Variants in PCDH15 observed in about 807,000 individuals in gnomAD.
PCDH15 encodes the protein protocadherin related 15.
In PCDH15, 129 loss-of-function variants were observed where a neutral mutation model predicts 178.5. The ratio of observed to expected loss-of-function variants is 0.72; its 90% CI spans 0.63 to 0.84. The LOEUF is 0.84. Ranked by LOEUF, PCDH15 falls within the 40% of genes least tolerant of loss-of-function variation. PCDH15 has a pLI of 0.00. For synonymous variants in PCDH15, 800 were observed against 732.0 expected, an observed-to-expected ratio of 1.09 and a Z score of -1.50; for missense variants, 2,230 against 2,099.9, an observed-to-expected ratio of 1.06 and a Z score of -1.21.
At chr10:54,120,638 C>T (rs1259224300) in intron 15 of PCDH15, among the ~76,000 whole-genome samples, 1 of 151,992 alleles carries the variant, frequency 6.6e-6, no homozygotes, top group Admixed American at 6.6e-5. Flanking sequence ...TTACTATTCT[C>T]ATATCAGATA....
chr10:54,710,912 T>A (rs1002512301), intron 1 of PCDH15, among the ~76,000 whole-genome samples: 2 of 151,962 alleles, frequency 1.3e-5, no homozygotes, highest in African/African-American at 4.8e-5. Context: ...AGAATACTTT[T>A]GAGGGTGAGA....
intron 2 of PCDH15, among the ~76,000 whole-genome samples, chr10:54,532,962 A>G (rs984911012): frequency 6.6e-6 from 1 of 152,090 alleles, no homozygotes; most frequent in African/African-American, 2.4e-5. Context: ...CCTGAGAAGG[A>G]ATGGTATCCT....
chr10:54,288,290 A>AG (rs368389134), intron 8 of PCDH15, among the ~76,000 whole-genome samples: 7 of 152,324 alleles, frequency 4.6e-5, no homozygotes, highest in African/African-American at 1.4e-4. Context: ...ACTGCACTCC[A>AG]GCTTGGGCAT....
chr10:54,286,858 C>T (rs2059060148), intron 8 of PCDH15, among the ~76,000 whole-genome samples: 1 of 152,168 alleles, frequency 6.6e-6, no homozygotes, highest in African/African-American at 2.4e-5. Flanking sequence ...GAACTCCTGA[C>T]CTCTGGTGAT....
chr10:55,358,233 A>T (rs1845127967), intron 2 of PCDH15, among the ~76,000 whole-genome samples: 1 of 152,134 alleles, frequency 6.6e-6, no homozygotes, highest in Admixed American at 6.6e-5. Flanking sequence ...TTTAGAGGAA[A>T]CATTTTGTAT....
intron 9 of PCDH15, among the ~76,000 whole-genome samples, chr10:54,231,216 T>C (rs1366848928): frequency 6.6e-6 from 1 of 152,210 alleles, no homozygotes; most frequent in Non-Finnish European, 1.5e-5. Flanking sequence ...CTCAGGACAC[T>C]GCTTCCTGCA....
At chr10:55,017,055 A>G (rs1037002865) in intron 2 of PCDH15, among the ~76,000 whole-genome samples, 1 of 152,174 alleles carries the variant, frequency 6.6e-6, no homozygotes, top group Non-Finnish European at 1.5e-5. Flanking sequence ...ATGTGTATGC[A>G]TCTATCACAA....
chr10:55,506,061 A>C (rs541788488), intron 2 of PCDH15, among the ~76,000 whole-genome samples: 34 of 151,572 alleles, frequency 2.2e-4, no homozygotes, highest in African/African-American at 8.2e-4. Context: ...GAAAGACTTT[A>C]AACACATGAA....
chr10:54,501,713 A>G (rs546516280), intron 3 of PCDH15, among the ~76,000 whole-genome samples: 2 of 152,196 alleles, frequency 1.3e-5, no homozygotes, highest in African/African-American at 4.8e-5. Flanking sequence ...AAGATATCCA[A>G]TGCTATGAAA....
intron 1 of PCDH15, among the ~76,000 whole-genome samples, chr10:54,800,415 A>G (rs1047680728): frequency 6.6e-6 from 1 of 152,206 alleles, no homozygotes; most frequent in South Asian, 2.1e-4. Flanking sequence ...AAATATCAGT[A>G]TACTCACAAA....
In PCDH15 at chr10:53,822,346, TAGGAGG is replaced by T. The variant is rs978342737; in HGVS notation, c.4368-2122_4368-2117del. ...GTTGAAACGGAAAGTGGAAAAAATG[TAGGAGG>T]AGGAAGAGGAAGAGGGATAGAAGGA... is the stretch of plus-strand genomic sequence containing the variant. On this transcript the variant is annotated intron_variant, in intron 32 of 37. Coordinates refer to ENST00000644397, the MANE Select transcript of PCDH15 (RefSeq NM_001384140.1). 36 of 1,584,130 alleles carry T rather than the reference TAGGAGG, an allele frequency of 2.3e-5. No individual in the cohort carries two copies. Among genetic ancestry groups the T allele is most frequent in the Middle Eastern group, 1.7e-4 (1 of 6,022 alleles).
intron 2 of PCDH15, among the ~76,000 whole-genome samples, chr10:55,502,953 A>C (rs1312270380): frequency 1.3e-5 from 2 of 151,626 alleles, no homozygotes; most frequent in Non-Finnish European, 3.0e-5. Flanking sequence ...TGTGCAAAAT[A>C]AATTTCTGAA....
chr10:54,368,573 T>C (rs1452369770), intron 5 of PCDH15, among the ~76,000 whole-genome samples: 1 of 152,062 alleles, frequency 6.6e-6, no homozygotes, highest in African/African-American at 2.4e-5. Flanking sequence ...CAAACAAGCA[T>C]GTCCTTAAAA....
At chr10:54,605,356 T>G (rs188682273) in intron 2 of PCDH15, among the ~76,000 whole-genome samples, 1 of 152,006 alleles carries the variant, frequency 6.6e-6, no homozygotes, top group South Asian at 2.1e-4. Flanking sequence ...CAGCTTTCGA[T>G]TTTTTTAATT....
chr10:55,175,017 C>A (rs1839439081), intron 1 of PCDH15, among the ~76,000 whole-genome samples: 1 of 149,230 alleles, frequency 6.7e-6, no homozygotes, highest in Non-Finnish European at 1.5e-5. Flanking sequence ...GGCCGACTTA[C>A]AAACAGCAGA....
At chr10:55,580,352 A>ATTTT (rs1282426702) in intron 2 of PCDH15, among the ~76,000 whole-genome samples, 1 of 134,180 alleles carries the variant, frequency 7.5e-6, no homozygotes, top group Non-Finnish European at 1.6e-5. Flanking sequence ...CATTTTTTTT[A>ATTTT]TTTTTTTATT....
chr10:55,151,573 CA>C (rs1838714697), intron 2 of PCDH15, among the ~76,000 whole-genome samples: 2 of 152,094 alleles, frequency 1.3e-5, no homozygotes, highest in South Asian at 4.1e-4. Context: ...TTCAGACCTT[CA>C]ATAAGATGAT....
chr10:55,283,537 C>T (rs1161234047), intron 1 of PCDH15, among the ~76,000 whole-genome samples: 1 of 151,804 alleles, frequency 6.6e-6, no homozygotes, highest in Non-Finnish European at 1.5e-5. Context: ...TGGGCAGTTA[C>T]AGACACAGCT....
chr10:54,205,579 T>C (rs1201716212), intron 10 of PCDH15, among the ~76,000 whole-genome samples: 1 of 150,376 alleles, frequency 6.6e-6, no homozygotes, highest in Non-Finnish European at 1.5e-5. Flanking sequence ...GAACATATTA[T>C]CAACTGACTA....
Sources: allele counts gnomAD v4.1 joint callset (sites outside exome capture counted in the v4.1 genomes callset), GRCh38; gene constraint gnomAD v4.1.1; transcripts MANE v1.5; gene names NCBI Gene and HGNC (gene_info 2026-07-23, HGNC 2026-07-21).